ALK: variants seen among roughly 807,000 people sequenced by gnomAD.
ALK encodes ALK receptor tyrosine kinase.
In ALK, 74 loss-of-function variants were observed where a neutral mutation model predicts 163.1. The ratio of observed to expected loss-of-function variants is 0.45; its 90% CI spans 0.38 to 0.55. ALK has a LOEUF of 0.55. Ranked by LOEUF, ALK falls within the 20% of genes least tolerant of loss-of-function variation. ALK has a pLI of 0.00. For missense variants in ALK, 2,063 were observed against 2,105.3 expected (o/e 0.98, Z 0.39); for synonymous variants, 960 against 843.2 (o/e 1.14, Z -2.40).
At chr2:29,206,358 A>G (rs553533271) in intron 26 of ALK, among the ~76,000 whole-genome samples, 1 of 150,660 alleles carries the variant, frequency 6.6e-6, no homozygotes, top group South Asian at 2.1e-4. Context: ...TGCAGCCTTG[A>G]CTTCCTGGGC....
At chr2:29,507,994 A>G (rs1043055900) in intron 4 of ALK, among the ~76,000 whole-genome samples, 1 of 152,164 alleles carries the variant, frequency 6.6e-6, no homozygotes, top group African/African-American at 2.4e-5. Context: ...TCAAAATCCT[A>G]TTCATGACTT....
chr2:29,778,652 C>T (rs966736269), intron 1 of ALK, among the ~76,000 whole-genome samples: 2 of 152,182 alleles, frequency 1.3e-5, no homozygotes, highest in African/African-American at 4.8e-5. Context: ...CTATCTGCTT[C>T]GCACCCTCAT....
At chr2:29,788,412 T>G (rs1271376673) in intron 1 of ALK, among the ~76,000 whole-genome samples, 2 of 152,216 alleles carry the variant, frequency 1.3e-5, no homozygotes, top group Non-Finnish European at 1.5e-5. Context: ...CAGCCTGCTG[T>G]GGAGACCAGG....
chr2:29,483,946 C>T lies in ALK; in HGVS notation c.1154+47969G>A, dbSNP rs149187522. On this transcript the variant is annotated intron_variant, in intron 4 of 28. Coordinates refer to ENST00000389048, the MANE Select transcript of ALK (RefSeq NM_004304.5). ...CACAGTTCCACATGGCTGGGGAGGC[C>T]TCACAATCACGGCGGAAGGCGAAGG... Among the ~76,000 whole-genome samples the T allele has an allele frequency of 4.6e-4, 70 of 152,248 alleles. 1 individual carries two copies. In the East Asian group the frequency reaches 0.013, roughly 28 times the overall value.
At chr2:29,314,910 C>T (rs1488657775) in intron 8 of ALK, among the ~76,000 whole-genome samples, 1 of 152,110 alleles carries the variant, frequency 6.6e-6, no homozygotes, top group Non-Finnish European at 1.5e-5. Flanking sequence ...CAGACACATC[C>T]GCGGGTGTCT....
chr2:29,505,851 A>G (rs2148135640), intron 4 of ALK, among the ~76,000 whole-genome samples: 1 of 152,214 alleles, frequency 6.6e-6, no homozygotes, highest in African/African-American at 2.4e-5. Flanking sequence ...GCAGTCAGCA[A>G]CATCCATTCA....
At chr2:29,354,038 A>G (rs1340581921) in intron 5 of ALK, among the ~76,000 whole-genome samples, 2 of 152,198 alleles carry the variant, frequency 1.3e-5, no homozygotes, top group Non-Finnish European at 2.9e-5. Context: ...CAGCTCAAAC[A>G]CCTGAGACCA....
chr2:29,418,596 T>C (rs772094445), intron 4 of ALK, among the ~76,000 whole-genome samples: 1 of 152,216 alleles, frequency 6.6e-6, no homozygotes, highest in Non-Finnish European at 1.5e-5. Flanking sequence ...TGTGTATCTA[T>C]GTGTACCCAC....
rs539709474 is a variant in ALK at position 29,709,530 on chromosome 2, C to T, written c.787+8048G>A. ...AGGAAACAAGATGTGAATTCCTTGA[C>T]GTTTAAATGCTTAACGTCTAGGAAG... On this transcript the variant is annotated intron_variant, in intron 2 of 28. Coordinates refer to ENST00000389048, the MANE Select transcript of ALK (RefSeq NM_004304.5). Among the ~76,000 whole-genome samples, 43 of 152,252 alleles carry T rather than the reference C, an allele frequency of 2.8e-4. 1 individual carries two copies. In the South Asian group the frequency reaches 8.3e-3, roughly 29 times the overall value.
chr2:29,357,703 T>C (rs1002429412), intron 5 of ALK, among the ~76,000 whole-genome samples: 2 of 152,174 alleles, frequency 1.3e-5, no homozygotes, highest in African/African-American at 2.4e-5. Flanking sequence ...CAGGTGGGAT[T>C]TGACCTAGCA....
intron 4 of ALK, among the ~76,000 whole-genome samples, chr2:29,437,810 A>G (rs1670440051): frequency 1.3e-5 from 2 of 152,212 alleles, no homozygotes; most frequent in South Asian, 2.1e-4. Flanking sequence ...GTAATCAACC[A>G]AACTTGTTTA....
chr2:29,569,705 C>A (rs1281517227), intron 3 of ALK, among the ~76,000 whole-genome samples: 1 of 152,192 alleles, frequency 6.6e-6, no homozygotes, highest in Admixed American at 6.5e-5. Flanking sequence ...GTGCTGATTC[C>A]ACCATCAACT....
At position 29,659,566 on chromosome 2, in the gene ALK, T is replaced by C. The variant is rs10208060; in HGVS notation, c.952+35284A>G. Reference sequence around the variant, plus strand: ...TACGTTATACAACAGGGACTGACATTTGGGGAGGCAAAGTGAATCATCCAT... The same window carrying C: ...TACGTTATACAACAGGGACTGACATCTGGGGAGGCAAAGTGAATCATCCAT... On this transcript the variant is annotated intron_variant, in intron 3 of 28. Coordinates refer to ENST00000389048, the MANE Select transcript of ALK (RefSeq NM_004304.5). Among the ~76,000 whole-genome samples the C allele has an allele frequency of 3.9e-3, 592 of 152,214 alleles. 2 individuals carry two copies. Among genetic ancestry groups the C allele is most frequent in the African/African-American group, 0.014 (567 of 41,542 alleles).
In ALK at chr2:29,844,084, G is replaced by A. The variant is rs576679218; in HGVS notation, c.667+75909C>T. ...AAGGGCATAGAATGGATGATCTGTT[G>A]TATAAGTTCTGGAAAAGGAGGTGAA... On this transcript the variant is annotated intron_variant, in intron 1 of 28. Transcript: ENST00000389048. 2.4e-4 allele frequency among the ~76,000 whole-genome samples: 37 copies of A among 152,338 alleles called. No individual in the cohort carries two copies. The South Asian group carries it at 7.1e-3, about 29-fold the overall frequency.
In ALK at chr2:29,430,639, T is replaced by A. The variant is rs555203393; in HGVS notation, c.1155-46780A>T. Among the ~76,000 whole-genome samples the A allele has an allele frequency of 2.6e-5, 4 of 152,304 alleles. No homozygotes were observed. The East Asian group carries it at 7.7e-4, about 29-fold the overall frequency. On this transcript the variant is annotated intron_variant, in intron 4 of 28. Coordinates refer to ENST00000389048, the MANE Select transcript of ALK (RefSeq NM_004304.5). ...ACTCTTAAAAAACAGAACAATGACA[T>A]ACAGCTAGTAAGTCAATTCTGGAGA...
intron 1 of ALK, among the ~76,000 whole-genome samples, chr2:29,767,406 C>T (rs150241586): frequency 3.3e-5 from 5 of 152,268 alleles, no homozygotes; most frequent in African/African-American, 1.2e-4. Context: ...TTCCCAGGAC[C>T]GTTGTGATTT....
intron 3 of ALK, among the ~76,000 whole-genome samples, chr2:29,669,545 T>A (rs1677619275): frequency 6.6e-6 from 1 of 152,070 alleles, no homozygotes; most frequent in Non-Finnish European, 1.5e-5. Flanking sequence ...TATTTCTTTA[T>A]CCATTCAGCC....
chr2:29,699,977 T>C (rs371282836), intron 2 of ALK, among the ~76,000 whole-genome samples: 4 of 152,176 alleles, frequency 2.6e-5, no homozygotes, highest in Non-Finnish European at 5.9e-5. Flanking sequence ...GCAGGTCTAT[T>C]TCTGTCTCTA....
At chr2:29,890,244 C>A (rs769522160) in intron 1 of ALK, 3 of 152,194 alleles carry the variant, frequency 2.0e-5, no homozygotes, top group East Asian at 3.8e-4. Context: ...TGTTTGGTAA[C>A]CCCTTTTAGT....
Sources: allele counts gnomAD v4.1 joint callset (sites outside exome capture counted in the v4.1 genomes callset), GRCh38; gene constraint gnomAD v4.1.1; transcripts MANE v1.5; gene names NCBI Gene and HGNC (gene_info 2026-07-23, HGNC 2026-07-21).